C6: variants seen among roughly 807,000 people sequenced by gnomAD.
C6 encodes complement component C6.
In C6, 101 loss-of-function variants were observed where a neutral mutation model predicts 112.9. The observed-to-expected ratio is 0.89, with a 90% CI of 0.76 to 1.06. The LOEUF is 1.06. Among genes scored for constraint, C6 ranks in the 50% least tolerant of loss-of-function variants. The pLI, the probability that C6 is intolerant of heterozygous loss-of-function variation, is 0.00. For synonymous variants in C6, 431 were observed against 384.1 expected (o/e 1.12, Z -1.43); for missense variants, 1,202 against 1,104.6 (o/e 1.09, Z -1.25).
chr5:41,158,868 T>C, intron 12 of C6, 83 bp from the exon 13 acceptor site: 1 of 988,698 alleles, frequency 1.0e-6, no homozygotes, highest in South Asian at 1.3e-5. Context: ...TGTATACATG[T>C]GTACACATTG....
intron 9 of C6, among the ~76,000 whole-genome samples, chr5:41,162,807 C>T (rs562654944): frequency 6.6e-6 from 1 of 152,222 alleles, no homozygotes; most frequent in East Asian, 1.9e-4. Flanking sequence ...CTTTTAGAGT[C>T]AAGTGCATAA....
intron 1 of C6, among the ~76,000 whole-genome samples, chr5:41,226,276 T>G (rs1234897613): frequency 6.6e-6 from 1 of 151,986 alleles, no homozygotes; most frequent in Non-Finnish European, 1.5e-5. Flanking sequence ...AACAACCCCA[T>G]TAAAAAGTGG....
intron 9 of C6, among the ~76,000 whole-genome samples, chr5:41,168,006 G>A (rs1748120969): frequency 6.6e-6 from 1 of 152,130 alleles, no homozygotes; most frequent in Admixed American, 6.6e-5. Context: ...GAAGACTGAT[G>A]ATTAACAGTG....
At chr5:41,148,057 TA>T (rs1024243231) in intron 17 of C6, among the ~76,000 whole-genome samples, 19 of 152,084 alleles carry the variant, frequency 1.2e-4, no homozygotes, top group African/African-American at 4.1e-4. Context: ...ATTGTATCAA[TA>T]AAAAAAATTT....
chr5:41,166,540 T>C (rs990406625), intron 9 of C6, among the ~76,000 whole-genome samples: 3 of 152,106 alleles, frequency 2.0e-5, no homozygotes, highest in African/African-American at 7.2e-5. Flanking sequence ...CAAGCATTCA[T>C]GTGTTCAATG....
intron 1 of C6, among the ~76,000 whole-genome samples, chr5:41,242,994 G>T (rs976552608): frequency 6.6e-6 from 1 of 152,114 alleles, no homozygotes; most frequent in African/African-American, 2.4e-5. Flanking sequence ...CAGAGGCTGG[G>T]GATGGGAGGA....
At chr5:41,210,590 T>G (rs1751835615) in intron 1 of C6, among the ~76,000 whole-genome samples, 1 of 151,764 alleles carries the variant, frequency 6.6e-6, no homozygotes, top group South Asian at 2.1e-4. Context: ...TTGAGAAATG[T>G]CTTCTCAAAA....
intron 13 of C6, among the ~76,000 whole-genome samples, chr5:41,155,442 C>T (rs778862330): frequency 4.6e-5 from 7 of 152,102 alleles, no homozygotes; most frequent in Non-Finnish European, 1.0e-4. Flanking sequence ...AATCCCAACA[C>T]TTTGAGAGGC....
chr5:41,206,364 G>A (rs571911015), intron 1 of C6, among the ~76,000 whole-genome samples: 13 of 152,340 alleles, frequency 8.5e-5, no homozygotes, highest in South Asian at 2.1e-4. Flanking sequence ...AAAGCTGAAC[G>A]GAGAATGACT....
At chr5:41,210,715 G>A (rs544909023) in intron 1 of C6, among the ~76,000 whole-genome samples, 12 of 152,224 alleles carry the variant, frequency 7.9e-5, no homozygotes, top group East Asian at 7.7e-4. Context: ...TTAGAATGGC[G>A]ATCATTAAAA....
At chr5:41,235,526 G>GCAATAAA (rs1740238190) in intron 1 of C6, among the ~76,000 whole-genome samples, 2 of 141,682 alleles carry the variant, frequency 1.4e-5, no homozygotes, top group Admixed American at 7.0e-5. Flanking sequence ...GAATAATGCT[G>GCAATAAA]CAATAAACAT....
intron 1 of C6, chr5:41,203,500 G>A: frequency 4.4e-6 from 2 of 451,332 alleles, no homozygotes; most frequent in Admixed American, 3.4e-5. Context: ...GTTAGTGATA[G>A]GCTACAAGAC....
Position 41,186,118 on chromosome 5 carries a change from T to G in C6, c.678A>C (p.Thr226=), listed in dbSNP as rs61733159. The G allele has an allele frequency of 0.042, 67,725 of 1,613,946 alleles. 1,617 individuals carry two copies. The highest frequency in any genetic ancestry group is 0.071 in the Middle Eastern group (428 of 6,060). ...GICKTVKSSR[T]SNPYRVPANL... Reference sequence around the variant, plus strand: ...TGGCCGGAACACGGTATGGATTACTTGTCCTACTGCTTTTGACAGTTTTAC... The same window carrying G: ...TGGCCGGAACACGGTATGGATTACTGGTCCTACTGCTTTTGACAGTTTTAC... Residue 226 remains threonine (T), a synonymous_variant, in exon 6 of 18, where the codon ACA becomes ACC. Transcript: ENST00000337836.
Position 41,198,342 on chromosome 5 carries a change from G to A in C6, c.445+1426C>T, listed in dbSNP as rs189213206. On this transcript the variant is annotated intron_variant, in intron 4 of 17. Coordinates refer to ENST00000337836, the MANE Select transcript of C6 (RefSeq NM_000065.5). ...CAGTGGCATTAGTAGATGCTTTTAG[G>A]AGAGCAAAACAGTATACCATCTTCA... Among the ~76,000 whole-genome samples, 377 of 152,216 alleles carry A rather than the reference G, an allele frequency of 2.5e-3. 1 individual carries two copies. The highest frequency in any genetic ancestry group is 8.8e-3 in the African/African-American group (367 of 41,542).
chr5:41,199,383 G>T (rs1166967873), intron 4 of C6, among the ~76,000 whole-genome samples: 1 of 152,066 alleles, frequency 6.6e-6, no homozygotes, highest in East Asian at 1.9e-4. Context: ...TTGTGTATGT[G>T]CTTTTGACTT....
At chr5:41,222,151 G>A (rs1213768107) in intron 1 of C6, among the ~76,000 whole-genome samples, 1 of 149,394 alleles carries the variant, frequency 6.7e-6, no homozygotes, top group Non-Finnish European at 1.5e-5. Context: ...GGGCGACAGA[G>A]AGAGACTCCA....
upstream of C6, among the ~76,000 whole-genome samples, chr5:41,214,883 A>G (rs1035128484): frequency 6.6e-6 from 1 of 152,094 alleles, no homozygotes; most frequent in African/African-American, 2.4e-5. Context: ...ACAGAGAAGT[A>G]AGATTGTATG....
At position 41,159,076 on chromosome 5, in the gene C6, C is replaced by A; in HGVS notation, c.1856+6G>T. The A allele has an allele frequency of 6.2e-7, 1 of 1,613,558 alleles. No individual in the cohort carries two copies. The highest frequency in any genetic ancestry group is 8.5e-7 in the Non-Finnish European group (1 of 1,179,634). ...TGACCCATTCTTTTCCCTTACCCGG[C>A]CTTACTTGTTTTCCATGATTGAAAA... On this transcript the variant is annotated splice_donor_region_variant and intron_variant, in intron 12 of 17. Coordinates refer to ENST00000337836, the MANE Select transcript of C6 (RefSeq NM_000065.5).
intron 1 of C6, among the ~76,000 whole-genome samples, chr5:41,247,498 A>C (rs1396566539): frequency 6.6e-6 from 1 of 152,114 alleles, no homozygotes; most frequent in Non-Finnish European, 1.5e-5. Context: ...TGGGTGGATC[A>C]TGAGGTCAGG....
Sources: gnomAD v4.1 joint callset for allele counts (sites outside exome capture counted in the v4.1 genomes callset) on GRCh38, gnomAD v4.1.1 for gene constraint, MANE v1.5 for transcripts, NCBI Gene and HGNC (gene_info 2026-07-23, HGNC 2026-07-21) for gene names.